G2E3: variants seen among roughly 807,000 people sequenced by gnomAD.
The protein encoded by G2E3 is G2/M-phase specific E3 ubiquitin protein ligase.
Under a neutral mutation model 92.8 loss-of-function variants are expected in G2E3, and 35 were observed. The observed-to-expected ratio is 0.38, with a 90% confidence interval of 0.29 to 0.50. The LOEUF (loss-of-function observed/expected upper bound fraction) is 0.50. Ranked by LOEUF, G2E3 falls within the 20% of genes least tolerant of loss-of-function variation. The pLI is 0.94. For missense variants in G2E3, 554 were observed against 823.8 expected (o/e 0.67, Z 4.01); for synonymous variants, 242 against 272.4 (o/e 0.89, Z 1.10).
At chr14:30,608,940 C>A (rs143054531) in intron 12 of G2E3, among the ~76,000 whole-genome samples, 1 of 152,282 alleles carries the variant, frequency 6.6e-6, no homozygotes, top group African/African-American at 2.4e-5. Context: ...TGAGCTCACA[C>A]CACTGCACTC....
At chr14:30,607,842 TATA>T in intron 11 of G2E3, 43 bp from the exon 12 acceptor site, 1 of 994,992 alleles carries the variant, frequency 1.0e-6, no homozygotes, top group East Asian at 2.8e-5. Context: ...ATGGTTATCT[TATA>T]ATAATAGAAG....
chr14:30,585,585 CTTT>C (rs1166405949), intron 2 of G2E3, among the ~76,000 whole-genome samples: 1 of 144,546 alleles, frequency 6.9e-6, no homozygotes, highest in Non-Finnish European at 1.5e-5. Context: ...TCTTCTCCCC[CTTT>C]TTTTTTTTGG....
At chr14:30,609,396 TCATC>T (rs1881984578) in intron 12 of G2E3, among the ~76,000 whole-genome samples, 1 of 152,214 alleles carries the variant, frequency 6.6e-6, no homozygotes, top group African/African-American at 2.4e-5. Context: ...TTCTAATTTT[TCATC>T]TGCTGTGACT....
chr14:30,564,552 G>A (rs187843772), intron 1 of G2E3, among the ~76,000 whole-genome samples: 3 of 152,098 alleles, frequency 2.0e-5, no homozygotes, highest in East Asian at 1.9e-4. Flanking sequence ...CAGGCTGGTT[G>A]CAAACACCTA....
At chr14:30,563,607 G>T (rs1490355397) in intron 1 of G2E3, among the ~76,000 whole-genome samples, 1 of 151,852 alleles carries the variant, frequency 6.6e-6, no homozygotes, top group Non-Finnish European at 1.5e-5. Flanking sequence ...GGGTGGTAGG[G>T]TGGGGTGGGG....
chr14:30,587,337 G>T (rs764224421), intron 3 of G2E3, among the ~76,000 whole-genome samples: 8 of 152,108 alleles, frequency 5.3e-5, no homozygotes, highest in Non-Finnish European at 1.0e-4. Context: ...GTCTCCCTTT[G>T]TTCCCCCTCC....
intron 7 of G2E3, 95 bp downstream of exon 7, chr14:30,597,621 A>C (rs1035955405): frequency 4.1e-6 from 3 of 739,348 alleles, no homozygotes; most frequent in African/African-American, 3.5e-5. Flanking sequence ...TTCAGTGAGC[A>C]TGGACAGGTA....
In G2E3 at chr14:30,617,990, T is replaced by C. The variant is rs1201570636; in HGVS notation, c.*1456T>C. The C allele has an allele frequency of 6.6e-6, 1 of 152,052 alleles. No homozygotes were observed. Among genetic ancestry groups the C allele is most frequent in the Non-Finnish European group, 1.5e-5 (1 of 67,930 alleles). The allele number at this position is 152,052 out of a possible 1,614,324, so 9.4% of individuals were successfully genotyped here. On this transcript the variant is annotated 3_prime_UTR_variant, in exon 15 of 15. Transcript: ENST00000206595. The stretch of plus-strand genomic sequence containing the variant: ...TATTTTTCTTAATACACAAAGCAGG[T>C]GTCAGCTGTTGTATTCTCACCCTTC...
At chr14:30,575,470 A>G (rs186603134) in intron 1 of G2E3, among the ~76,000 whole-genome samples, 8 of 152,270 alleles carry the variant, frequency 5.3e-5, no homozygotes, top group Admixed American at 5.2e-4. Flanking sequence ...CCGACACAAG[A>G]CGAGGATACT....
At chr14:30,606,183 A>G (rs1881823204) in intron 11 of G2E3, among the ~76,000 whole-genome samples, 2 of 151,958 alleles carry the variant, frequency 1.3e-5, no homozygotes, top group Non-Finnish European at 2.9e-5. Context: ...AGTTTTTATA[A>G]CATAGTTTCC....
At chr14:30,565,562 T>C (rs1879376436) in intron 1 of G2E3, among the ~76,000 whole-genome samples, 1 of 151,858 alleles carries the variant, frequency 6.6e-6, no homozygotes, top group South Asian at 2.1e-4. Flanking sequence ...ATTTAAGAGA[T>C]TTATAGTTCT....
rs1881129669 is a variant in G2E3, at chr14:30,593,653, T to C, written c.528+14T>C. On this transcript the variant is annotated intron_variant, in intron 6 of 14. Transcript: ENST00000206595. Reference sequence around the variant, plus strand: ...GACTGTTTACAGGTAAGATACATATTTTGTAAGCTTTCTCTGATTGATATA... The same window carrying C: ...GACTGTTTACAGGTAAGATACATATCTTGTAAGCTTTCTCTGATTGATATA... 1 of 1,559,936 alleles carries C rather than the reference T, an allele frequency of 6.4e-7. No homozygotes were observed.
chr14:30,570,066 A>G (rs946123912), intron 1 of G2E3, among the ~76,000 whole-genome samples: 2 of 152,178 alleles, frequency 1.3e-5, no homozygotes, highest in Non-Finnish European at 2.9e-5. Context: ...TTTGAAACAT[A>G]GTTTTGCTGC....
At chr14:30,596,141 T>C (rs994483576) in intron 6 of G2E3, among the ~76,000 whole-genome samples, 1 of 135,708 alleles carries the variant, frequency 7.4e-6, no homozygotes, top group African/African-American at 2.9e-5. Context: ...TGTGCGTGTG[T>C]GTGTGTGTGT....
At chr14:30,614,335 G>T (rs1194482164) in intron 13 of G2E3, among the ~76,000 whole-genome samples, 1 of 152,196 alleles carries the variant, frequency 6.6e-6, no homozygotes, top group African/African-American at 2.4e-5. Context: ...AGTTCTGGAG[G>T]CTGGGAAGTC....
chr14:30,595,056 T>G (rs1229336358), intron 6 of G2E3, among the ~76,000 whole-genome samples: 2 of 152,088 alleles, frequency 1.3e-5, no homozygotes, highest in African/African-American at 4.8e-5. Context: ...GAGAATCGCT[T>G]GAACCCGGGA....
At chr14:30,581,388 A>C (rs1279332494) in intron 2 of G2E3, among the ~76,000 whole-genome samples, 1 of 151,910 alleles carries the variant, frequency 6.6e-6, no homozygotes, top group Non-Finnish European at 1.5e-5. Flanking sequence ...AGAACAATTT[A>C]AACAGTGTGT....
At chr14:30,585,858 T>C (rs958291624) in intron 2 of G2E3, among the ~76,000 whole-genome samples, 1 of 152,184 alleles carries the variant, frequency 6.6e-6, no homozygotes. Flanking sequence ...AGGTGAGAGC[T>C]TAGGATTTCT....
intron 4 of G2E3, 132 bp from the exon 5 acceptor site, chr14:30,592,191 T>A: frequency 1.3e-6 from 1 of 742,664 alleles, no homozygotes; most frequent in Non-Finnish European, 2.2e-6. Context: ...TTATTTAATA[T>A]ACCCTTACCA....
Sources: gnomAD v4.1 joint callset for allele counts (sites outside exome capture counted in the v4.1 genomes callset) on GRCh38, gnomAD v4.1.1 for gene constraint, MANE v1.5 for transcripts, NCBI Gene and HGNC (gene_info 2026-07-23, HGNC 2026-07-21) for gene names.